FOXP1: variants seen among roughly 807,000 people sequenced by gnomAD.
FOXP1 encodes the protein forkhead box protein P1.
Under a neutral mutation model 98.2 loss-of-function variants are expected in FOXP1, and 15 were observed. The ratio of observed to expected loss-of-function variants is 0.15; its 90% CI spans 0.10 to 0.24. The LOEUF is 0.24. Ranked by LOEUF, FOXP1 falls within the 10% of genes least tolerant of loss-of-function variation. FOXP1 has a pLI of 1.00. For synonymous variants in FOXP1, 371 were observed against 314.5 expected (o/e 1.18, Z -1.90); for missense variants, 633 against 848.5 (o/e 0.75, Z 3.15).
chr3:71,031,984 C>A (rs1003015847), intron 11 of FOXP1, among the ~76,000 whole-genome samples: 1 of 152,214 alleles, frequency 6.6e-6, no homozygotes, highest in Non-Finnish European at 1.5e-5. Context: ...GGAAAGGAAG[C>A]CAGCAAGGCT....
At chr3:71,184,688 C>G (rs978588346) in intron 6 of FOXP1, among the ~76,000 whole-genome samples, 3 of 151,712 alleles carry the variant, frequency 2.0e-5, no homozygotes, top group Admixed American at 6.6e-5. Context: ...CATAGAAAAG[C>G]CTAAGAGTAT....
intron 2 of FOXP1, among the ~76,000 whole-genome samples, chr3:71,496,299 T>C (rs1397757496): frequency 6.6e-6 from 1 of 152,160 alleles, no homozygotes; most frequent in Non-Finnish European, 1.5e-5. Context: ...AAGAGCTTTC[T>C]AGAAGAATTC....
intron 2 of FOXP1, among the ~76,000 whole-genome samples, chr3:71,544,414 G>C (rs1038747907): frequency 1.3e-4 from 19 of 148,784 alleles, no homozygotes; most frequent in African/African-American, 4.4e-4. Flanking sequence ...ACAAAAAAAA[G>C]GAAAAAGCAG....
intron 5 of FOXP1, among the ~76,000 whole-genome samples, chr3:71,238,937 T>C (rs2067025565): frequency 6.6e-6 from 1 of 152,250 alleles, no homozygotes; most frequent in South Asian, 2.1e-4. Flanking sequence ...TTCTTTCTTA[T>C]TTCCTCAAAA....
At chr3:71,381,933 T>C (rs762780964) in intron 3 of FOXP1, among the ~76,000 whole-genome samples, 4 of 152,284 alleles carry the variant, frequency 2.6e-5, no homozygotes, top group Non-Finnish European at 2.9e-5. Flanking sequence ...AAATTGACAT[T>C]TGATTAACGT....
chr3:71,322,125 T>A (rs530211096), intron 4 of FOXP1, among the ~76,000 whole-genome samples: 18 of 152,360 alleles, frequency 1.2e-4, no homozygotes, highest in Middle Eastern at 3.4e-3. Flanking sequence ...AACTCTTACA[T>A]CATTCATTCC....
intron 3 of FOXP1, among the ~76,000 whole-genome samples, chr3:71,428,508 C>T (rs950428703): frequency 8.5e-5 from 13 of 152,342 alleles, no homozygotes; most frequent in African/African-American, 2.9e-4. Context: ...GTTTGGAAAG[C>T]AATCAGCTTA....
intron 3 of FOXP1, among the ~76,000 whole-genome samples, chr3:71,365,464 A>G (rs2107940774): frequency 6.6e-6 from 1 of 152,222 alleles, no homozygotes; most frequent in East Asian, 1.9e-4. Context: ...AAAAAAAAAA[A>G]AAAAGCTGAA....
Position 71,284,945 on chromosome 3 carries a change from A to C in FOXP1, c.-12+14875T>G, listed in dbSNP as rs988526005. On this transcript the variant is annotated intron_variant, in intron 5 of 20. Transcript: ENST00000649528. Reference sequence around the variant, plus strand: ...CTATAATTGCAAATTCCCCATAATGAGATGGTTTTATATTTATAATCAGAA... The same window carrying C: ...CTATAATTGCAAATTCCCCATAATGCGATGGTTTTATATTTATAATCAGAA... Among the ~76,000 whole-genome samples, 3 of 152,128 alleles carry C rather than the reference A, an allele frequency of 2.0e-5. No individual in the cohort carries two copies. In the East Asian group the frequency reaches 5.8e-4, roughly 29 times the overall value.
chr3:71,271,763 A>G (rs1408651905), intron 5 of FOXP1, among the ~76,000 whole-genome samples: 1 of 152,184 alleles, frequency 6.6e-6, no homozygotes, highest in African/African-American at 2.4e-5. Context: ...CAAAAAATAG[A>G]AAGGAGACAA....
At chr3:70,967,778 G>A (rs1575715436) in intron 19 of FOXP1, among the ~76,000 whole-genome samples, 2 of 126,378 alleles carry the variant, frequency 1.6e-5, no homozygotes, top group African/African-American at 5.9e-5. Context: ...TGAGAGAGGT[G>A]TGACCACTGT....
chr3:71,299,482 TTTATGAA>T (rs1397465098), intron 5 of FOXP1, among the ~76,000 whole-genome samples: 2 of 152,218 alleles, frequency 1.3e-5, no homozygotes, highest in Non-Finnish European at 2.9e-5. Context: ...GCAAGTTAAT[TTTATGAA>T]TCACCACTTT....
chr3:71,310,046 A>G (rs1467598682), intron 4 of FOXP1, among the ~76,000 whole-genome samples: 1 of 152,236 alleles, frequency 6.6e-6, no homozygotes, highest in Non-Finnish European at 1.5e-5. Flanking sequence ...CTTGCAAGTC[A>G]GCACATTCAC....
chr3:71,186,024 T>C (rs1052854727), intron 6 of FOXP1, among the ~76,000 whole-genome samples: 2 of 152,254 alleles, frequency 1.3e-5, no homozygotes, highest in African/African-American at 2.4e-5. Flanking sequence ...TTAAAAATTG[T>C]AAGAACTTTT....
At chr3:71,106,417 C>A (rs1429374645) in intron 7 of FOXP1, among the ~76,000 whole-genome samples, 2 of 152,046 alleles carry the variant, frequency 1.3e-5, no homozygotes, top group African/African-American at 2.4e-5. Flanking sequence ...CTCACTGCAA[C>A]CTCCGCCTTC....
chr3:71,409,992 A>AC (rs1430323782), intron 3 of FOXP1, among the ~76,000 whole-genome samples: 3 of 152,258 alleles, frequency 2.0e-5, no homozygotes, highest in East Asian at 3.9e-4. Context: ...TCCAGCCTGA[A>AC]CAACAGCATG....
chr3:71,509,753 G>A (rs889924583), intron 2 of FOXP1, among the ~76,000 whole-genome samples: 2 of 152,126 alleles, frequency 1.3e-5, no homozygotes, highest in Non-Finnish European at 2.9e-5. Context: ...TCAGTGACAT[G>A]CACCTGATTC....
intron 3 of FOXP1, among the ~76,000 whole-genome samples, chr3:71,432,630 C>T (rs1225404961): frequency 6.6e-6 from 1 of 152,096 alleles, no homozygotes; most frequent in Non-Finnish European, 1.5e-5. Flanking sequence ...GGGCCTAACA[C>T]CCTGGGCGCC....
intron 3 of FOXP1, among the ~76,000 whole-genome samples, chr3:71,426,342 C>T (rs1344985195): frequency 2.0e-5 from 3 of 152,066 alleles, no homozygotes; most frequent in Admixed American, 6.6e-5. Flanking sequence ...TCTCTCCTTG[C>T]GAAGATGTCA....
Sources: gnomAD v4.1 joint callset for allele counts (sites outside exome capture counted in the v4.1 genomes callset) on GRCh38, gnomAD v4.1.1 for gene constraint, MANE v1.5 for transcripts, NCBI Gene and HGNC (gene_info 2026-07-23, HGNC 2026-07-21) for gene names.